Variants in MPPE1 observed in about 807,000 individuals in gnomAD.
The protein encoded by MPPE1 is metallophosphoesterase 1, also known as metallo phosphoesterase.
In MPPE1, 28 loss-of-function variants were observed where a neutral mutation model predicts 43.8. That is an observed-to-expected ratio of 0.64 (90% CI 0.47 to 0.88). The LOEUF (loss-of-function observed/expected upper bound fraction) is 0.88, where lower values mean the gene tolerates loss of function less well. Ranked by LOEUF, MPPE1 falls within the 40% of genes least tolerant of loss-of-function variation. MPPE1 has a pLI of 0.00. For missense variants in MPPE1, 428 were observed against 492.2 expected, an observed-to-expected ratio of 0.87 and a Z score of 1.23; for synonymous variants, 159 against 188.5, an observed-to-expected ratio of 0.84 and a Z score of 1.28.
At chr18:11,901,173 C>G (rs1015473117) in intron 2 of MPPE1, among the ~76,000 whole-genome samples, 1 of 152,004 alleles carries the variant, frequency 6.6e-6, no homozygotes, top group Non-Finnish European at 1.5e-5. Context: ...TGGGGACTGT[C>G]ATTCCTCTGT....
In MPPE1 at chr18:11,887,034, G is replaced by A. The variant is rs201257671; in HGVS notation, c.570-9C>T. ...TGTTGACCATCACAAAGCTGAAGCGGAGGGAAACGCAGGTGAGGCCGCTGG... is the reference window on the plus strand; with the variant it reads ...TGTTGACCATCACAAAGCTGAAGCGAAGGGAAACGCAGGTGAGGCCGCTGG... On this transcript the variant is annotated splice_polypyrimidine_tract_variant and intron_variant, in intron 6 of 10. Transcript: ENST00000588072. 1.0e-5 allele frequency: 16 copies of A among 1,604,016 alleles called. No homozygotes were observed. The East Asian group carries it at 3.4e-4, about 34-fold the overall frequency.
At chr18:11,889,296 G>C in intron 5 of MPPE1, 91 bp downstream of exon 5, 1 of 801,258 alleles carries the variant, frequency 1.2e-6, no homozygotes, top group Middle Eastern at 3.5e-4. Flanking sequence ...TTTCAAGACA[G>C]CACAAATAGG....
intron 4 of MPPE1, chr18:11,893,136 G>A: frequency 4.2e-6 from 1 of 236,490 alleles, no homozygotes; most frequent in Non-Finnish European, 8.2e-6. Flanking sequence ...GGTGACAACT[G>A]AAATAACATC....
chr18:11,902,357 C>T (rs922820191), intron 2 of MPPE1: 3 of 152,356 alleles, frequency 2.0e-5, no homozygotes, highest in East Asian at 1.9e-4. Context: ...GCTGGAGAGC[C>T]TCTGAGGGAT....
intron 10 of MPPE1, chr18:11,885,464 C>T (rs2037065033): frequency 1.9e-5 from 11 of 593,524 alleles, no homozygotes; most frequent in Non-Finnish European, 2.6e-5. Flanking sequence ...GCCCTGCCCT[C>T]GCTTCTCACA....
At chr18:11,895,943 G>T (rs1290388894) in intron 3 of MPPE1, among the ~76,000 whole-genome samples, 1 of 151,984 alleles carries the variant, frequency 6.6e-6, no homozygotes, top group Admixed American at 6.6e-5. Flanking sequence ...GGTACAGAAG[G>T]CTACTTGGCG....
chr18:11,884,135 A>C lies in MPPE1; in HGVS notation c.*310T>G. ...GGGCCACCAGGCCCTTCCTGGGGGA[A>C]CAAGGACTGTCGTGCATGTGAGTGA... On this transcript the variant is annotated 3_prime_UTR_variant, in exon 11 of 11. Coordinates refer to ENST00000588072, the MANE Select transcript of MPPE1 (RefSeq NM_023075.6). 3.9e-6 allele frequency: 1 copy of C among 259,194 alleles called. No individual in the cohort carries two copies. The allele number at this position is 259,194 out of a possible 1,614,324, so 16.1% of individuals were successfully genotyped here. A position where few individuals can be genotyped will look rare whatever the true frequency, so the allele number is the denominator to read the frequency against.
chr18:11,895,084 T>A (rs759378142), intron 3 of MPPE1: 1 of 152,204 alleles, frequency 6.6e-6, no homozygotes, highest in Non-Finnish European at 1.5e-5. Context: ...CTTTCCTCCT[T>A]TTTAAGGCAT....
chr18:11,906,890 C>T (rs1012695871), intron 1 of MPPE1, among the ~76,000 whole-genome samples: 1 of 151,260 alleles, frequency 6.6e-6, no homozygotes, highest in Admixed American at 6.6e-5. Flanking sequence ...TTGAACTTTT[C>T]AATTTGTATT....
In MPPE1 at chr18:11,885,703, C is replaced by T. The variant is rs372742171; in HGVS notation, c.981G>A (p.Arg327=). 75 of 1,613,542 alleles carry T rather than the reference C, an allele frequency of 4.6e-5. No homozygotes were observed. Among genetic ancestry groups the T allele is most frequent in the Non-Finnish European group, 6.8e-6 (8 of 1,179,656 alleles). The change falls in exon 10 of 11, where the codon AGG becomes AGA. Residue 327 remains arginine, a synonymous_variant. Coordinates refer to ENST00000588072, the MANE Select transcript of MPPE1 (RefSeq NM_023075.6). ...TGATGAAACTGGGGTTGTTTCTGTT[C>T]CTCCAACTGAAAGATGGGACGCTGA... is the stretch of plus-strand genomic sequence containing the variant. ...PELSVPSFSW[R]NRNNPSFIMG...
In MPPE1 at chr18:11,897,168, C is replaced by G. The variant is rs777864195; in HGVS notation, c.97G>C (p.Val33Leu). Residue 33 changes from valine to leucine, a missense_variant, in exon 3 of 11, where the codon GTG (valine) becomes CTG (leucine). Around this residue, in one of 3 missense-constraint regions of MPPE1, gnomAD observed 48 missense variants for 73.5 expected, o/e 0.65. Transcript: ENST00000588072. ...ATTAAAAATTCACAAAATAGAAGCA[C>G]AGCAAAGACAACAGCTATGAGTTTC... ...LLKLIAVVFA[V>L]LLFCEFLIYY... 1.3e-5 allele frequency: 17 copies of G among 1,280,466 alleles called. No individual in the cohort carries two copies. The African/African-American group carries it at 2.4e-4, about 18-fold the overall frequency. 79.3% of individuals were successfully genotyped at this position (1,280,466 alleles called of 1,614,324 possible).
chr18:11,892,440 T>A (rs1032855294), intron 4 of MPPE1, among the ~76,000 whole-genome samples: 1 of 150,110 alleles, frequency 6.7e-6, no homozygotes, highest in African/African-American at 2.5e-5. Flanking sequence ...GAGGCCGAGG[T>A]GGGCAGATCA....
rs2036743590 is a variant in MPPE1, at chr18:11,882,939, A to AGAGTT, written c.*1501_*1505dup. 6.6e-6 allele frequency: 1 copy of AGAGTT among 150,384 alleles called. No individual in the cohort carries two copies. The highest frequency in any genetic ancestry group is 1.9e-4 in the East Asian group (1 of 5,160). The allele number at this position is 150,384 out of a possible 1,614,324, so 9.3% of individuals were successfully genotyped here. ...TGCTTCATATTCTAGCTGTAGCCAC[A>AGAGTT]GAGTTGAGGGTAGTTTTTGTAGGTC... On this transcript the variant is annotated 3_prime_UTR_variant, in exon 11 of 11. Transcript: ENST00000588072.
chr18:11,897,567 A>C (rs920303139), intron 2 of MPPE1: 3 of 265,298 alleles, frequency 1.1e-5, no homozygotes, highest in African/African-American at 6.6e-5. Context: ...CGTATGTCAG[A>C]ATAAAGCTAT....
chr18:11,891,159 T>C (rs1306978023), intron 4 of MPPE1: 3 of 152,334 alleles, frequency 2.0e-5, no homozygotes, highest in East Asian at 3.8e-4. Flanking sequence ...TTTACAAAGA[T>C]TCCACTTTAA....
chr18:11,888,865 G>GCTCT, intron 5 of MPPE1, 122 bp from the exon 6 acceptor site: 1 of 549,190 alleles, frequency 1.8e-6, no homozygotes, highest in Admixed American at 3.9e-5. Flanking sequence ...TTAGTTAAGG[G>GCTCT]CTCTACCTGG....
At chr18:11,884,741 G>A in intron 10 of MPPE1, 114 bp from the exon 11 acceptor site, 1 of 1,343,350 alleles carries the variant, frequency 7.4e-7, no homozygotes, top group Non-Finnish European at 1.0e-6. Flanking sequence ...GGTGAGGCAG[G>A]GAACGGGCCC....
intron 4 of MPPE1, among the ~76,000 whole-genome samples, chr18:11,892,374 AAAAG>A (rs1187406875): frequency 6.7e-6 from 1 of 150,236 alleles, no homozygotes; most frequent in Non-Finnish European, 1.5e-5. Context: ...AAAAAAAAGA[AAAAG>A]AAAAAGAAAG....
rs113638932 is a variant in MPPE1 at position 11,888,924 on chromosome 18, C to G, written c.495-181G>C. ...TTTAGTTCCACTACTTACTATGAAG[C>G]CTGGGGCAAGTTACTCAGCTGCCCA... On this transcript the variant is annotated intron_variant, in intron 5 of 10. Coordinates refer to ENST00000588072, the MANE Select transcript of MPPE1 (RefSeq NM_023075.6). 2.8e-3 allele frequency among the ~76,000 whole-genome samples: 427 copies of G among 152,300 alleles called. 3 individuals carry two copies. The highest frequency in any genetic ancestry group is 0.011 in the Admixed American group (165 of 15,310).
Sources: gnomAD v4.1 joint callset for allele counts (sites outside exome capture counted in the v4.1 genomes callset) on GRCh38, gnomAD v4.1.1 for gene constraint, gnomAD v4.1.1 regional missense constraint, MANE v1.5 for transcripts, NCBI Gene and HGNC (gene_info 2026-07-23, HGNC 2026-07-21) for gene names.